Variants in SYT1 observed in about 807,000 individuals in gnomAD.
The protein encoded by SYT1 is synaptotagmin-1.
A neutral mutation model predicts 44.8 loss-of-function variants in SYT1; 8 were observed. The ratio of observed to expected loss-of-function variants is 0.18; its 90% CI spans 0.10 to 0.32. SYT1 has a LOEUF of 0.32. SYT1 is among the 10% of genes least tolerant of loss of function. SYT1 has a pLI of 1.00. For synonymous variants in SYT1, 154 were observed against 188.8 expected, an observed-to-expected ratio of 0.82 and a Z score of 1.51; for missense variants, 286 against 509.3, an observed-to-expected ratio of 0.56 and a Z score of 4.22.
intron 3 of SYT1, among the ~76,000 whole-genome samples, chr12:79,176,541 A>T (rs1469199614): frequency 1.3e-5 from 2 of 152,054 alleles, no homozygotes; most frequent in African/African-American, 4.8e-5. Context: ...TAAGCTGAGT[A>T]ATTCTTTTAA....
Position 79,026,702 on chromosome 12 carries a change from T to TATATATATATATATATATAAAA in SYT1, c.-83-20595_-83-20594insATATATATATATATATATAAAA, listed in dbSNP as rs34140383. On this transcript the variant is annotated intron_variant, in intron 2 of 10. Transcript: ENST00000261205. ...ATATATATATATATATATATATATA[T>TATATATATATATATATATAAAA]CACACTTTCATTGTCCATTCACTAT... 2.0e-3 allele frequency among the ~76,000 whole-genome samples: 253 copies of TATATATATATATATATATAAAA among 125,240 alleles called. 1 individual carries two copies. Among genetic ancestry groups the TATATATATATATATATATAAAA allele is most frequent in the Middle Eastern group, 5.0e-3 (1 of 200 alleles). 82.2% of individuals were successfully genotyped at this position (125,240 alleles called of 152,430 possible).
intron 1 of SYT1, among the ~76,000 whole-genome samples, chr12:78,954,893 G>A (rs1344957556): frequency 6.6e-6 from 1 of 151,994 alleles, no homozygotes; most frequent in Non-Finnish European, 1.5e-5. Flanking sequence ...TTGAGCTTGT[G>A]ATTATCCTGA....
chr12:78,893,922 A>G (rs182190810), intron 1 of SYT1, among the ~76,000 whole-genome samples: 1 of 151,762 alleles, frequency 6.6e-6, no homozygotes, highest in African/African-American at 2.4e-5. Context: ...ATGCGCAAAG[A>G]TGCTTCCAGG....
chr12:78,890,906 C>T (rs1476888766), intron 1 of SYT1, among the ~76,000 whole-genome samples: 4 of 151,850 alleles, frequency 2.6e-5, no homozygotes, highest in Admixed American at 2.0e-4. Context: ...TGAATTACAA[C>T]TATGCAATAA....
At chr12:79,207,402 T>C (rs1342471512) in intron 3 of SYT1, among the ~76,000 whole-genome samples, 3 of 152,228 alleles carry the variant, frequency 2.0e-5, no homozygotes, top group African/African-American at 4.8e-5. Context: ...AGGATACATG[T>C]ACAGGACATG....
chr12:79,039,720 C>T (rs1873398011), intron 2 of SYT1, among the ~76,000 whole-genome samples: 1 of 150,044 alleles, frequency 6.7e-6, no homozygotes, highest in Non-Finnish European at 1.5e-5. Context: ...GCGCTGCACC[C>T]ACTAACTGGT....
Position 79,244,156 on chromosome 12 carries a change from A to G in SYT1, c.166+26471A>G, listed in dbSNP as rs186014995. ...TACTGCATCGAAAGACTTCATACTGATAATTATTAGTGTTCTCTTTTCCTG... is the reference window on the plus strand; with the variant it reads ...TACTGCATCGAAAGACTTCATACTGGTAATTATTAGTGTTCTCTTTTCCTG... On this transcript the variant is annotated intron_variant, in intron 4 of 10. Coordinates refer to ENST00000261205, the MANE Select transcript of SYT1 (RefSeq NM_005639.3). Among the ~76,000 whole-genome samples the G allele has an allele frequency of 1.2e-4, 19 of 152,292 alleles. No individual in the cohort carries two copies. The East Asian group carries it at 3.5e-3, about 28-fold the overall frequency.
intron 1 of SYT1, among the ~76,000 whole-genome samples, chr12:78,924,356 A>G (rs1877181731): frequency 1.3e-5 from 2 of 151,876 alleles, no homozygotes; most frequent in African/African-American, 4.8e-5. Flanking sequence ...GGAAAGTTAC[A>G]TTGAGAATAA....
intron 4 of SYT1, among the ~76,000 whole-genome samples, chr12:79,252,122 C>T (rs1266499893): frequency 3.9e-5 from 6 of 151,950 alleles, no homozygotes; most frequent in African/African-American, 4.8e-5. Context: ...CACAGCTACA[C>T]GGCCTAAGTT....
At chr12:79,117,408 A>G (rs1183538189) in intron 3 of SYT1, among the ~76,000 whole-genome samples, 1 of 151,726 alleles carries the variant, frequency 6.6e-6, no homozygotes, top group East Asian at 2.0e-4. Flanking sequence ...TTTCAGAAGG[A>G]GCAACCAACT....
intron 1 of SYT1, among the ~76,000 whole-genome samples, chr12:78,941,362 G>C (rs548644153): frequency 6.7e-6 from 1 of 150,304 alleles, no homozygotes; most frequent in East Asian, 2.0e-4. Context: ...GTGAGTCACC[G>C]CACCCAGCCT....
intron 3 of SYT1, among the ~76,000 whole-genome samples, chr12:79,102,694 C>G (rs1351805359): frequency 6.6e-6 from 1 of 152,180 alleles, no homozygotes; most frequent in Non-Finnish European, 1.5e-5. Flanking sequence ...GCGTGTGCAA[C>G]TGTTTGTATA....
intron 9 of SYT1, among the ~76,000 whole-genome samples, chr12:79,428,176 T>G (rs1869559069): frequency 5.3e-5 from 8 of 152,170 alleles, no homozygotes; most frequent in Admixed American, 3.9e-4. Context: ...GATGGTACAG[T>G]GCCTGGTCAA....
At chr12:79,040,997 A>ACCAGTACCCTGCTGTTTTGGTT in intron 2 of SYT1, among the ~76,000 whole-genome samples, 1 of 152,042 alleles carries the variant, frequency 6.6e-6, no homozygotes, top group African/African-American at 2.4e-5. Context: ...CTGTTTTGGT[A>ACCAGTACCCTGCTGTTTTGGTT]CCAGTACCCT....
At chr12:79,288,697 A>G (rs1879430519) in intron 5 of SYT1, among the ~76,000 whole-genome samples, 1 of 152,208 alleles carries the variant, frequency 6.6e-6, no homozygotes, top group South Asian at 2.1e-4. Context: ...ACAGAGGGAA[A>G]ATATTCACAT....
chr12:79,264,795 C>T (rs1878035657), intron 4 of SYT1, among the ~76,000 whole-genome samples: 1 of 152,138 alleles, frequency 6.6e-6, no homozygotes, highest in Admixed American at 6.5e-5. Flanking sequence ...ATAAACAATT[C>T]TCAGTCACTG....
intron 1 of SYT1, chr12:78,977,431 A>AT (rs1285430464): frequency 2.6e-5 from 4 of 152,192 alleles, no homozygotes; most frequent in Non-Finnish European, 4.4e-5. Context: ...CAAAGTGTGA[A>AT]TTGCTTAGAT....
At chr12:79,241,794 G>A (rs911772836) in intron 4 of SYT1, among the ~76,000 whole-genome samples, 2 of 152,198 alleles carry the variant, frequency 1.3e-5, no homozygotes, top group African/African-American at 2.4e-5. Flanking sequence ...ATCTGCAAAT[G>A]TGACTTCTTT....
At chr12:79,424,434 C>T (rs1309330314) in intron 9 of SYT1, among the ~76,000 whole-genome samples, 5 of 152,092 alleles carry the variant, frequency 3.3e-5, no homozygotes, top group African/African-American at 1.2e-4. Context: ...TAGTGAAATT[C>T]CAGTTGTCTT....
Sources: allele counts gnomAD v4.1 joint callset (sites outside exome capture counted in the v4.1 genomes callset), GRCh38; gene constraint gnomAD v4.1.1; transcripts MANE v1.5; gene names NCBI Gene and HGNC (gene_info 2026-07-23, HGNC 2026-07-21).